Variants in CCR6 observed in about 807,000 individuals in gnomAD.
CCR6 encodes the protein C-C chemokine receptor type 6.
In CCR6, 2 loss-of-function variants were observed where a neutral mutation model predicts 3.0. The observed-to-expected ratio is 0.66, with a 90% CI of 0.27 to 2.07. The LOEUF is 2.07. CCR6 is among the 30% of genes most tolerant of loss of function. The pLI, the probability that CCR6 is intolerant of heterozygous loss-of-function variation, is 0.14. For synonymous variants in CCR6, 193 were observed against 184.3 expected (o/e 1.05, Z -0.38); for missense variants, 322 against 462.8 (o/e 0.70, Z 2.79).
At chr6:167,122,204 T>A (rs1362280285), upstream of CCR6, among the ~76,000 whole-genome samples, 1 of 152,160 alleles carries the variant, frequency 6.6e-6, no homozygotes, top group Admixed American at 6.5e-5. The surrounding 1 kb of genome is among the most constrained non-coding windows in gnomAD (Gnocchi z 4.2). Context: ...GTGGAGAAAG[T>A]GTGAGTCCAT....
intron 1 of CCR6, among the ~76,000 whole-genome samples, chr6:167,123,950 AAAAATAC>A: frequency 1.3e-5 from 2 of 152,258 alleles, no homozygotes; most frequent in South Asian, 4.1e-4. Flanking sequence ...CGTCTCTACT[AAAAATAC>A]AAAAATTAGC....
intron 1 of CCR6, chr6:167,131,370 T>C (rs893428675): frequency 6.6e-6 from 1 of 152,292 alleles, no homozygotes; most frequent in Non-Finnish European, 1.5e-5. Flanking sequence ...CCGTTGGGCA[T>C]CGAGTGCACG....
chr6:167,120,315 T>C (rs978950564), upstream of CCR6, among the ~76,000 whole-genome samples: 17 of 152,206 alleles, frequency 1.1e-4, no homozygotes, highest in Admixed American at 9.8e-4. Flanking sequence ...CAGCTCACCA[T>C]ATTGACTTCC....
Position 167,137,452 on chromosome 6 carries a change from T to G in CCR6, c.*97T>G. The G allele has an allele frequency of 8.1e-7, 1 of 1,228,512 alleles. No homozygotes were observed. Among genetic ancestry groups the G allele is most frequent in the Non-Finnish European group, 1.1e-6 (1 of 888,020 alleles). The allele number at this position is 1,228,512 out of a possible 1,614,324, so 76.1% of individuals were successfully genotyped here. ...CAGGTATGCATGGAAAATGTGGGAATTAAGCAAAATCAAGCAAGCCTCTCT... is the reference window on the plus strand; with the variant it reads ...CAGGTATGCATGGAAAATGTGGGAAGTAAGCAAAATCAAGCAAGCCTCTCT... On this transcript the variant is annotated 3_prime_UTR_variant, in exon 3 of 3. Transcript: ENST00000341935. The surrounding 1 kb of genome is among the most constrained non-coding windows in gnomAD (Gnocchi z 4.6).
intron 1 of CCR6, among the ~76,000 whole-genome samples, chr6:167,125,707 T>G (rs1295959586): frequency 1.3e-5 from 2 of 152,250 alleles, no homozygotes; most frequent in African/African-American, 4.8e-5. Flanking sequence ...GTTCTGCTTT[T>G]TAGCAGAATG....
At chr6:167,135,885 G>C (rs1353661922) in intron 1 of CCR6, among the ~76,000 whole-genome samples, 153 bp from the exon 2 acceptor site, 3 of 152,218 alleles carry the variant, frequency 2.0e-5, no homozygotes, top group Non-Finnish European at 4.4e-5. Context: ...TACAGAAAGA[G>C]GTTGCTGATG....
chr6:167,128,137 A>G (rs1423787934), intron 1 of CCR6, among the ~76,000 whole-genome samples: 1 of 152,224 alleles, frequency 6.6e-6, no homozygotes, highest in East Asian at 1.9e-4. Context: ...GGGTCCAACT[A>G]GATAATCCAG....
chr6:167,117,795 C>T (rs978211670), upstream of CCR6, among the ~76,000 whole-genome samples: 3 of 152,106 alleles, frequency 2.0e-5, no homozygotes, highest in African/African-American at 7.2e-5. Flanking sequence ...TGTATTCTTC[C>T]TTCTTAAACC....
chr6:167,113,399 G>C (rs1337853020), intron 1 of CCR6, among the ~76,000 whole-genome samples: 1 of 152,212 alleles, frequency 6.6e-6, no homozygotes, highest in African/African-American at 2.4e-5. Context: ...ATGGCAGACA[G>C]CCAGGTGCAG....
chr6:167,131,565 GCCCCTGCT>G (rs1040435578), intron 1 of CCR6: 2 of 153,136 alleles, frequency 1.3e-5, no homozygotes, highest in African/African-American at 4.8e-5. Context: ...GCTCCCCACA[GCCCCTGCT>G]CCCTTGTTCT....
At chr6:167,134,686 G>A (rs1781823096) in intron 1 of CCR6, among the ~76,000 whole-genome samples, 1 of 152,208 alleles carries the variant, frequency 6.6e-6, no homozygotes, top group Non-Finnish European at 1.5e-5. Flanking sequence ...CTCTGCCTGT[G>A]CACCTGGGGC....
intron 1 of CCR6, among the ~76,000 whole-genome samples, chr6:167,125,597 G>A (rs1261549097): frequency 6.6e-6 from 1 of 152,222 alleles, no homozygotes; most frequent in Non-Finnish European, 1.5e-5. Context: ...TAAGGTAGAG[G>A]CACCGTTGAA....
At chr6:167,113,397 C>G (rs1271789812) in intron 1 of CCR6, among the ~76,000 whole-genome samples, 4 of 152,222 alleles carry the variant, frequency 2.6e-5, no homozygotes, top group South Asian at 4.1e-4. Context: ...GAATGGCAGA[C>G]AGCCAGGTGC....
chr6:167,125,516 C>A (rs1781657657), intron 1 of CCR6, among the ~76,000 whole-genome samples: 1 of 152,228 alleles, frequency 6.6e-6, no homozygotes, highest in African/African-American at 2.4e-5. Context: ...TGGCTACCCA[C>A]CTCTTCTGGG....
chr6:167,112,107 A>G (rs1360277304), intron 1 of CCR6: 1 of 152,216 alleles, frequency 6.6e-6, no homozygotes, highest in Non-Finnish European at 1.5e-5. Flanking sequence ...GAGTATTACA[A>G]AAGTTTATGT....
At chr6:167,113,561 A>C (rs1311548133) in intron 1 of CCR6, among the ~76,000 whole-genome samples, 2 of 152,334 alleles carry the variant, frequency 1.3e-5, no homozygotes, top group East Asian at 1.9e-4. Flanking sequence ...ATGAGAAAGC[A>C]CACGTCCCCA....
intron 1 of CCR6, among the ~76,000 whole-genome samples, chr6:167,130,972 G>GCC (rs746486540): frequency 8.3e-6 from 1 of 120,754 alleles, no homozygotes; most frequent in African/African-American, 3.7e-5. Context: ...CTCCCTCTGG[G>GCC]ACCACCCTCC....
In CCR6 at chr6:167,136,206, A is replaced by G. The variant is rs775830961; in HGVS notation, c.10-34A>G. The G allele has an allele frequency of 2.5e-6, 4 of 1,609,176 alleles. No homozygotes were observed. Among genetic ancestry groups the G allele is most frequent in the East Asian group, 4.5e-5 (2 of 44,850 alleles). On this transcript the variant is annotated intron_variant, in intron 2 of 2. Coordinates refer to ENST00000341935, the MANE Select transcript of CCR6 (RefSeq NM_031409.4). The surrounding 1 kb of genome is among the most constrained non-coding windows in gnomAD (Gnocchi z 4.6). Reference sequence around the variant, plus strand: ...TTCACTGTGGCTACTTGAACACTACACTGCAGCTAACTCTATCTTTGTTTC... The same window carrying G: ...TTCACTGTGGCTACTTGAACACTACGCTGCAGCTAACTCTATCTTTGTTTC...
upstream of CCR6, chr6:167,121,026 A>C (rs138879191): frequency 6.6e-6 from 1 of 152,390 alleles, no homozygotes; most frequent in African/African-American, 2.4e-5. Context: ...TCTCGAAGTA[A>C]AGGCAACCAG....
Sources: gnomAD v4.1 joint callset for allele counts (sites outside exome capture counted in the v4.1 genomes callset) on GRCh38, gnomAD v4.1.1 for gene constraint, Gnocchi (gnomAD v3.1) non-coding constraint, MANE v1.5 for transcripts, NCBI Gene and HGNC (gene_info 2026-07-23, HGNC 2026-07-21) for gene names.